Variants in SHOC2 observed in about 807,000 individuals in gnomAD.
The protein encoded by SHOC2 is SHOC2 leucine rich repeat scaffold protein.
Under a neutral mutation model 50.2 loss-of-function variants are expected in SHOC2, and 4 were observed. The ratio of observed to expected loss-of-function variants is 0.08; its 90% confidence interval spans 0.04 to 0.18. The LOEUF (loss-of-function observed/expected upper bound fraction) is 0.18. SHOC2 is among the 10% of genes least tolerant of loss of function. SHOC2 has a pLI of 1.00. For missense variants in SHOC2, 388 were observed against 669.6 expected, an observed-to-expected ratio of 0.58 and a Z score of 4.64; for synonymous variants, 218 against 244.5, an observed-to-expected ratio of 0.89 and a Z score of 1.01.
Position 111,000,409 on chromosome 10 carries a change from T to G in SHOC2, c.842-6T>G. 1.2e-6 allele frequency: 2 copies of G among 1,613,698 alleles called. No individual in the cohort carries two copies. Among genetic ancestry groups the G allele is most frequent in the Non-Finnish European group, 1.7e-6 (2 of 1,179,762 alleles). On this transcript the variant is annotated splice_region_variant and splice_polypyrimidine_tract_variant and intron_variant, in intron 3 of 8. Coordinates refer to ENST00000369452, the MANE Select transcript of SHOC2 (RefSeq NM_007373.4). ...AATAAATTTCTTTTTTTGTGTGTGT[T>G]TACAGGAAACCTGTCCAGTTTAAGT...
At chr10:110,933,558 G>C (rs577959629) in intron 1 of SHOC2, among the ~76,000 whole-genome samples, 1 of 152,316 alleles carries the variant, frequency 6.6e-6, no homozygotes, top group East Asian at 1.9e-4. Flanking sequence ...AGTGAACCCA[G>C]TAGGGGAAAT....
intron 3 of SHOC2, among the ~76,000 whole-genome samples, chr10:110,997,878 G>A (rs1461778097): frequency 1.3e-5 from 2 of 151,568 alleles, no homozygotes; most frequent in African/African-American, 4.8e-5. Flanking sequence ...TTATTCTTCT[G>A]TTATTGAATA....
intron 1 of SHOC2, among the ~76,000 whole-genome samples, chr10:110,923,879 A>G (rs1846703503): frequency 6.6e-6 from 1 of 152,222 alleles, no homozygotes; most frequent in South Asian, 2.1e-4. Flanking sequence ...TAAAAGTCCT[A>G]TAATTTTAAG....
chr10:110,922,493 G>A (rs2134065622), intron 1 of SHOC2, among the ~76,000 whole-genome samples: 1 of 152,030 alleles, frequency 6.6e-6, no homozygotes, highest in African/African-American at 2.4e-5. Context: ...TTTAAATACA[G>A]AAATCTGTGT....
At chr10:111,008,910 C>T (rs556401731) in intron 6 of SHOC2, among the ~76,000 whole-genome samples, 3 of 152,106 alleles carry the variant, frequency 2.0e-5, no homozygotes, top group South Asian at 2.1e-4. Context: ...GTAGCTTTTA[C>T]CTTCCTTAAG....
chr10:110,955,002 G>T (rs1382154626), intron 1 of SHOC2, among the ~76,000 whole-genome samples: 2 of 152,200 alleles, frequency 1.3e-5, no homozygotes, highest in African/African-American at 4.8e-5. Flanking sequence ...AGATTTAATG[G>T]GGCAACTCTA....
At chr10:110,940,448 G>A (rs1010538931) in intron 1 of SHOC2, among the ~76,000 whole-genome samples, 2 of 152,132 alleles carry the variant, frequency 1.3e-5, no homozygotes, top group Admixed American at 6.5e-5. Flanking sequence ...CAGCATATAC[G>A]TGAAAATAGT....
chr10:111,001,736 A>G (rs1185298249), intron 4 of SHOC2, among the ~76,000 whole-genome samples: 2 of 152,194 alleles, frequency 1.3e-5, no homozygotes, highest in Non-Finnish European at 2.9e-5. Context: ...AATTAAGAAC[A>G]AGGGTTCTTT....
At chr10:110,993,770 G>T (rs1015351048) in intron 3 of SHOC2, among the ~76,000 whole-genome samples, 1 of 152,104 alleles carries the variant, frequency 6.6e-6, no homozygotes. Flanking sequence ...CAAGAATCTG[G>T]TTCTATTTAC....
intron 1 of SHOC2, among the ~76,000 whole-genome samples, chr10:110,935,248 G>A (rs1376646670): frequency 6.6e-6 from 1 of 152,162 alleles, no homozygotes; most frequent in Non-Finnish European, 1.5e-5. Flanking sequence ...CCTTACCACA[G>A]AGGAAGAAAC....
At chr10:110,924,733 G>A (rs1271666967) in intron 1 of SHOC2, among the ~76,000 whole-genome samples, 4 of 152,046 alleles carry the variant, frequency 2.6e-5, no homozygotes, top group East Asian at 1.9e-4. Flanking sequence ...TCAGTGTAAC[G>A]TGGGGAATAA....
chr10:110,942,468 C>T (rs961256479), intron 1 of SHOC2, among the ~76,000 whole-genome samples: 1 of 152,160 alleles, frequency 6.6e-6, no homozygotes, highest in Non-Finnish European at 1.5e-5. Context: ...CCGCCTCAGC[C>T]CCACAAGGTG....
chr10:110,955,267 T>C (rs1174273759), intron 1 of SHOC2, among the ~76,000 whole-genome samples: 1 of 151,872 alleles, frequency 6.6e-6, no homozygotes, highest in Admixed American at 6.6e-5. Flanking sequence ...ATGTGGAGAG[T>C]AGACGATTTG....
chr10:110,948,945 T>C (rs968016931), intron 1 of SHOC2, among the ~76,000 whole-genome samples: 1 of 152,158 alleles, frequency 6.6e-6, no homozygotes, highest in African/African-American at 2.4e-5. Context: ...TTGCATTTTT[T>C]TTTTCCCAGC....
intron 1 of SHOC2, among the ~76,000 whole-genome samples, chr10:110,931,741 AGAGTT>A (rs899490718): frequency 1.3e-5 from 2 of 150,846 alleles, no homozygotes; most frequent in Non-Finnish European, 2.9e-5. Context: ...TATTATGTTT[AGAGTT>A]ATTTATAGAG....
At chr10:110,928,102 A>G (rs766708940) in intron 1 of SHOC2, among the ~76,000 whole-genome samples, 1 of 152,114 alleles carries the variant, frequency 6.6e-6, no homozygotes, top group Non-Finnish European at 1.5e-5. Flanking sequence ...GGGTCACCTG[A>G]GGTCAGGAGT....
intron 1 of SHOC2, among the ~76,000 whole-genome samples, chr10:110,960,164 C>G (rs1847544674): frequency 6.6e-6 from 1 of 152,186 alleles, no homozygotes; most frequent in African/African-American, 2.4e-5. Context: ...GGCCTGATGG[C>G]CAAATCCAGT....
intron 2 of SHOC2, among the ~76,000 whole-genome samples, chr10:110,974,311 A>T (rs961553706): frequency 2.7e-5 from 4 of 149,164 alleles, no homozygotes; most frequent in African/African-American, 9.8e-5. Flanking sequence ...AGATTTTCAG[A>T]TTTTTTTTTT....
At chr10:110,996,533 A>C (rs904957996) in intron 3 of SHOC2, among the ~76,000 whole-genome samples, 1 of 151,984 alleles carries the variant, frequency 6.6e-6, no homozygotes, top group Admixed American at 6.6e-5. Flanking sequence ...GTCTCTTAAA[A>C]AAAAAAAGAA....
Sources: gnomAD v4.1 joint callset for allele counts (sites outside exome capture counted in the v4.1 genomes callset) on GRCh38, gnomAD v4.1.1 for gene constraint, MANE v1.5 for transcripts, NCBI Gene and HGNC (gene_info 2026-07-23, HGNC 2026-07-21) for gene names.